The following HORMAD2 variants were observed in gnomAD, a reference collection of about 807,000 sequenced individuals.
The protein encoded by HORMAD2 is HORMA domain containing 2.
In HORMAD2, 45 loss-of-function variants were observed where a neutral mutation model predicts 38.8. The observed-to-expected ratio is 1.16, with a 90% CI of 0.91 to 1.49. The LOEUF (loss-of-function observed/expected upper bound fraction) is 1.49. Ranked by LOEUF, HORMAD2 falls within the 40% of genes most tolerant of loss-of-function variation. The probability of loss-of-function intolerance (pLI) is 0.00; values close to 1 mark genes in which losing one functional copy is unlikely to be tolerated. For synonymous variants in HORMAD2, 126 were observed against 122.8 expected (o/e 1.03, Z -0.17); for missense variants, 338 against 367.0 (o/e 0.92, Z 0.65).
chr22:30,134,465 G>GTA (rs1229305354), intron 10 of HORMAD2, among the ~76,000 whole-genome samples: 5 of 146,720 alleles, frequency 3.4e-5, no homozygotes, highest in African/African-American at 1.2e-4. Context: ...TTATATATAT[G>GTA]TATATATATA....
chr22:30,171,847 CA>C (rs1926129212), intron 10 of HORMAD2, among the ~76,000 whole-genome samples: 1 of 151,650 alleles, frequency 6.6e-6, no homozygotes, highest in Admixed American at 6.6e-5. Flanking sequence ...ATCAACTAGG[CA>C]AAAAGGGAAG....
chr22:30,122,958 T>A (rs1364941054), intron 10 of HORMAD2, among the ~76,000 whole-genome samples: 1 of 152,176 alleles, frequency 6.6e-6, no homozygotes, highest in Non-Finnish European at 1.5e-5. Context: ...TGCTATAAGA[T>A]CTTTTCAGGA....
intron 1 of HORMAD2, among the ~76,000 whole-genome samples, chr22:30,088,843 A>G (rs2068631705): frequency 6.6e-6 from 1 of 152,040 alleles, no homozygotes; most frequent in Non-Finnish European, 1.5e-5. Context: ...GTAGTGTATT[A>G]TGGTTTAATG....
intron 10 of HORMAD2, chr22:30,136,991 G>A: frequency 4.0e-6 from 2 of 494,270 alleles, no homozygotes; most frequent in Non-Finnish European, 7.3e-6. Flanking sequence ...AGACCTGTTA[G>A]TGTCAATTGT....
At chr22:30,127,199 CTTTTTTTTTTTTTTTTT>C (rs757608874) in intron 10 of HORMAD2, among the ~76,000 whole-genome samples, 6 of 79,818 alleles carry the variant, frequency 7.5e-5, no homozygotes, top group Non-Finnish European at 1.2e-4. Context: ...AACAGAAGTT[CTTTTTTTTTTTTTTTTT>C]TTTTTTTTTT....
chr22:30,189,668 T>A, the HORMAD2 span, among the ~76,000 whole-genome samples: 1 of 152,140 alleles, frequency 6.6e-6, no homozygotes, highest in Non-Finnish European at 1.5e-5. Context: ...GTCTTCCTCC[T>A]TCATTCCTTG....
the HORMAD2 span, among the ~76,000 whole-genome samples, chr22:30,194,726 G>A: frequency 6.6e-6 from 1 of 152,176 alleles, no homozygotes; most frequent in South Asian, 2.1e-4. Flanking sequence ...AGTTTGGAGT[G>A]TATCCTGGAG....
At chr22:30,118,371 C>T (rs1922204143) in intron 7 of HORMAD2, among the ~76,000 whole-genome samples, 1 of 152,158 alleles carries the variant, frequency 6.6e-6, no homozygotes, top group Admixed American at 6.5e-5. Flanking sequence ...ACATAACTGA[C>T]CCTTGAGGCT....
chr22:30,109,273 C>A (rs775964838), intron 5 of HORMAD2, among the ~76,000 whole-genome samples: 1 of 152,096 alleles, frequency 6.6e-6, no homozygotes, highest in Non-Finnish European at 1.5e-5. Context: ...ATCCTCCGGC[C>A]TCAGACTCCC....
intron 1 of HORMAD2, among the ~76,000 whole-genome samples, chr22:30,085,790 G>A (rs2075743677): frequency 6.6e-6 from 1 of 152,158 alleles, no homozygotes; most frequent in South Asian, 2.1e-4. Flanking sequence ...TATAAAGAAT[G>A]AGCTAGACTG....
intron 10 of HORMAD2, among the ~76,000 whole-genome samples, chr22:30,139,254 C>CTATATA (rs3067131): frequency 0.065 from 6,278 of 96,420 alleles, 288 homozygotes; most frequent in East Asian, 0.13. Context: ...ATGAACTGTA[C>CTATATA]TATATATATA....
the HORMAD2 span, among the ~76,000 whole-genome samples, chr22:30,188,295 C>T: frequency 6.6e-6 from 1 of 152,138 alleles, no homozygotes; most frequent in Non-Finnish European, 1.5e-5. Context: ...AAAAGACTCT[C>T]TCTTTTTCCT....
At chr22:30,177,575 C>G (rs1926528025), downstream of HORMAD2, among the ~76,000 whole-genome samples, 1 of 152,160 alleles carries the variant, frequency 6.6e-6, no homozygotes, top group Non-Finnish European at 1.5e-5. Context: ...GAATTGTAGA[C>G]TGAGTCACTA....
intron 10 of HORMAD2, among the ~76,000 whole-genome samples, chr22:30,159,153 C>T (rs1032358089): frequency 6.6e-6 from 1 of 152,142 alleles, no homozygotes; most frequent in African/African-American, 2.4e-5. Flanking sequence ...GAAAAGTTCT[C>T]CTAAAATAAG....
intron 10 of HORMAD2, among the ~76,000 whole-genome samples, chr22:30,149,522 A>C (rs1176427886): frequency 6.6e-6 from 1 of 152,124 alleles, no homozygotes; most frequent in East Asian, 1.9e-4. Context: ...CAGAAACAAC[A>C]ATTTTGTCTT....
intron 1 of HORMAD2, among the ~76,000 whole-genome samples, chr22:30,084,671 T>C (rs565158122): frequency 9.2e-5 from 14 of 152,202 alleles, no homozygotes; most frequent in African/African-American, 3.4e-4. Context: ...ATTTTTAAAG[T>C]AGAGACAGGG....
At chr22:30,101,805 A>G (rs751856438) in intron 3 of HORMAD2, among the ~76,000 whole-genome samples, 37 of 152,164 alleles carry the variant, frequency 2.4e-4, no homozygotes, top group South Asian at 2.1e-4. Flanking sequence ...CTTGTAATCC[A>G]AAGTGTAACC....
chr22:30,088,040 T>TACATATGTACACACGTATACATATAC (rs1569079309), intron 1 of HORMAD2, among the ~76,000 whole-genome samples: 2 of 141,464 alleles, frequency 1.4e-5, no homozygotes, highest in Non-Finnish European at 1.6e-5. Context: ...TATATGTGTA[T>TACATATGTACACACGTATACATATAC]ACACACGTAC....
At chr22:30,142,151 C>T (rs761812447) in intron 10 of HORMAD2, among the ~76,000 whole-genome samples, 3 of 152,064 alleles carry the variant, frequency 2.0e-5, no homozygotes, top group Non-Finnish European at 2.9e-5. Context: ...TGGTGGCATG[C>T]GCCTGTGGTC....
Sources: gnomAD v4.1 joint callset for allele counts (sites outside exome capture counted in the v4.1 genomes callset) on GRCh38, gnomAD v4.1.1 for gene constraint, MANE v1.5 for transcripts, NCBI Gene and HGNC (gene_info 2026-07-23, HGNC 2026-07-21) for gene names.